PCLO: variants seen among roughly 807,000 people sequenced by gnomAD.
PCLO encodes piccolo presynaptic cytomatrix protein.
A neutral mutation model predicts 427.5 loss-of-function variants in PCLO; 82 were observed. The observed-to-expected ratio is 0.19, with a 90% CI of 0.16 to 0.23. PCLO has a LOEUF of 0.23. Ranked by LOEUF, PCLO falls within the 10% of genes least tolerant of loss-of-function variation. The probability of loss-of-function intolerance (pLI) is 1.00; values close to 1 mark genes in which losing one functional copy is unlikely to be tolerated. For missense variants in PCLO, 6,239 were observed against 6,115.9 expected (o/e 1.02, Z -0.67); for synonymous variants, 2,357 against 2,155.4 (o/e 1.09, Z -2.59).
rs1794456266 is a variant in PCLO, at chr7:82,916,161, G to A, written c.11825C>T (p.Pro3942Leu). The part of the protein sequence containing the change: ...ATMSFTPQVQ[P>L]TPTPQPSYQL... Reference sequence around the variant, plus strand: ...ATAAGAAGGCTGTGGGGTTGGTGTAGGTTGAACTTGAGGTGTGAAGGACAT... The same window carrying A: ...ATAAGAAGGCTGTGGGGTTGGTGTAAGTTGAACTTGAGGTGTGAAGGACAT... Residue 3942 changes from proline (P) to leucine (L), a missense_variant, in exon 7 of 25, where the codon CCT becomes CTT. Coordinates refer to ENST00000333891, the MANE Select transcript of PCLO (RefSeq NM_033026.6). 1 of 1,613,616 alleles carries A rather than the reference G, an allele frequency of 6.2e-7. No homozygotes were observed. Among genetic ancestry groups the A allele is most frequent in the South Asian group, 1.1e-5 (1 of 91,080 alleles).
chr7:83,065,552 A>T (rs935986158), intron 3 of PCLO, among the ~76,000 whole-genome samples: 1 of 151,132 alleles, frequency 6.6e-6, no homozygotes, highest in Non-Finnish European at 1.5e-5. Context: ...TCTGTTGAAG[A>T]TTCCAAAAAG....
At chr7:82,929,673 T>A (rs572701324) in intron 6 of PCLO, among the ~76,000 whole-genome samples, 35 of 152,292 alleles carry the variant, frequency 2.3e-4, no homozygotes, top group Middle Eastern at 3.4e-3. Flanking sequence ...GATACACTCA[T>A]ATATTTCTCA....
intron 2 of PCLO, among the ~76,000 whole-genome samples, chr7:83,145,652 C>T (rs537460423): frequency 6.6e-6 from 1 of 152,206 alleles, no homozygotes; most frequent in African/African-American, 2.4e-5. Flanking sequence ...TCCCTATCTG[C>T]CTATTAGAAT....
intron 3 of PCLO, among the ~76,000 whole-genome samples, chr7:83,057,094 A>AT (rs1011839697): frequency 3.3e-5 from 5 of 149,734 alleles, no homozygotes; most frequent in Non-Finnish European, 3.0e-5. Flanking sequence ...ATATATATAT[A>AT]TTTTTTTGAG....
intron 2 of PCLO, among the ~76,000 whole-genome samples, chr7:83,153,300 T>C (rs1792184763): frequency 1.3e-5 from 2 of 151,824 alleles, no homozygotes; most frequent in African/African-American, 4.8e-5. Context: ...TTCTTATTAA[T>C]TGTAGTTTTA....
chr7:83,052,837 C>A (rs1056757876), intron 3 of PCLO, among the ~76,000 whole-genome samples: 1 of 151,916 alleles, frequency 6.6e-6, no homozygotes, highest in Non-Finnish European at 1.5e-5. Context: ...GTTTTATAAT[C>A]CAACCTCTTC....
chr7:83,086,619 T>C (rs945457161), intron 3 of PCLO, among the ~76,000 whole-genome samples: 4 of 151,802 alleles, frequency 2.6e-5, no homozygotes, highest in Non-Finnish European at 4.4e-5. Flanking sequence ...TAATCTGGCC[T>C]GGATTAAATA....
intron 3 of PCLO, among the ~76,000 whole-genome samples, chr7:83,074,447 T>G (rs1289893103): frequency 6.6e-6 from 1 of 152,012 alleles, no homozygotes; most frequent in African/African-American, 2.4e-5. Flanking sequence ...GGCCCAATTA[T>G]GTAAAAGTAT....
At chr7:82,874,570 T>G (rs558079811) in intron 10 of PCLO, among the ~76,000 whole-genome samples, 2 of 152,194 alleles carry the variant, frequency 1.3e-5, no homozygotes, top group African/African-American at 4.8e-5. Flanking sequence ...AGAATAAGCA[T>G]GTAGTAAATT....
intron 6 of PCLO, among the ~76,000 whole-genome samples, chr7:82,921,331 A>G (rs985252620): frequency 3.2e-4 from 48 of 151,718 alleles, no homozygotes; most frequent in African/African-American, 1.1e-3. Flanking sequence ...GGGGCATTAT[A>G]CTATCCAACT....
At chr7:82,985,767 C>T (rs942379430) in intron 3 of PCLO, among the ~76,000 whole-genome samples, 1 of 151,634 alleles carries the variant, frequency 6.6e-6, no homozygotes, top group African/African-American at 2.4e-5. Context: ...GGTAGAAAGT[C>T]GAGACTTTTT....
Position 82,758,498 on chromosome 7 carries a change from T to C in PCLO, c.*77A>G. On this transcript the variant is annotated 3_prime_UTR_variant, in exon 25 of 25. Coordinates refer to ENST00000333891, the MANE Select transcript of PCLO (RefSeq NM_033026.6). ...ATGTTTGCCTCTCAAAACTTAGCTT[T>C]GTACAATAGTATTCAACTATAGTCT... 8.0e-7 allele frequency: 1 copy of C among 1,243,574 alleles called. No homozygotes were observed. The highest frequency in any genetic ancestry group is 1.1e-6 in the Non-Finnish European group (1 of 906,506). The allele number at this position is 1,243,574 out of a possible 1,614,324, so 77.0% of individuals were successfully genotyped here. A position where few individuals can be genotyped will look rare whatever the true frequency, so the allele number is the denominator to read the frequency against.
chr7:82,912,791 T>C (rs1377544902), intron 7 of PCLO, among the ~76,000 whole-genome samples: 2 of 152,100 alleles, frequency 1.3e-5, no homozygotes, highest in African/African-American at 4.8e-5. Context: ...GTGCCACGTA[T>C]TGGGATATAT....
At chr7:82,842,687 A>C (rs1792397291) in intron 13 of PCLO, among the ~76,000 whole-genome samples, 1 of 152,136 alleles carries the variant, frequency 6.6e-6, no homozygotes, top group South Asian at 2.1e-4. Flanking sequence ...CAAAATATAC[A>C]AGAAAGTCAA....
chr7:82,819,723 C>T (rs374675700), intron 20 of PCLO, among the ~76,000 whole-genome samples: 8 of 152,008 alleles, frequency 5.3e-5, no homozygotes, highest in Middle Eastern at 6.8e-3. Context: ...CTCTGTAATG[C>T]GACATATATC....
rs184500904 is a variant in PCLO, at chr7:83,062,126, A to G, written c.3300+72124T>C. On this transcript the variant is annotated intron_variant, in intron 3 of 24. Transcript: ENST00000333891. ...GTTAAATATGGATTTTATTTCATGGAGTTGATCACAGGTCCTCCTGGAAGG... is the reference window on the plus strand; with the variant it reads ...GTTAAATATGGATTTTATTTCATGGGGTTGATCACAGGTCCTCCTGGAAGG... Among the ~76,000 whole-genome samples the G allele has an allele frequency of 5.0e-4, 76 of 152,246 alleles. 2 individuals carry two copies. In the East Asian group the frequency reaches 0.013, roughly 26 times the overall value.
At chr7:82,768,964 T>C (rs905061142) in intron 22 of PCLO, among the ~76,000 whole-genome samples, 5 of 152,156 alleles carry the variant, frequency 3.3e-5, no homozygotes, top group African/African-American at 1.2e-4. Flanking sequence ...TAATTTCTAT[T>C]TTACACATGA....
At chr7:82,929,186 T>C (rs1008323783) in intron 6 of PCLO, among the ~76,000 whole-genome samples, 1 of 152,136 alleles carries the variant, frequency 6.6e-6, no homozygotes, top group African/African-American at 2.4e-5. Flanking sequence ...GGATAATAAA[T>C]TATTTCAACA....
At chr7:83,122,286 CT>C (rs71074624) in intron 3 of PCLO, among the ~76,000 whole-genome samples, 1,586 of 128,258 alleles carry the variant, frequency 0.012, 12 homozygotes, top group African/African-American at 0.035. Context: ...CTTTTCTTTT[CT>C]TTTTTTTTTT....
Sources: gnomAD v4.1 joint callset for allele counts (sites outside exome capture counted in the v4.1 genomes callset) on GRCh38, gnomAD v4.1.1 for gene constraint, MANE v1.5 for transcripts, NCBI Gene and HGNC (gene_info 2026-07-23, HGNC 2026-07-21) for gene names.